CNOT1: variants seen among roughly 807,000 people sequenced by gnomAD.
CNOT1 encodes the protein CCR4-associated factor 1.
CNOT1 carries 15 observed loss-of-function variants against 273.8 expected under a neutral mutation model. The observed-to-expected ratio is 0.05, with a 90% CI of 0.04 to 0.08. The LOEUF (loss-of-function observed/expected upper bound fraction) is 0.08, where lower values mean the gene tolerates loss of function less well. CNOT1 is among the 10% of genes least tolerant of loss of function. CNOT1 has a pLI of 1.00. For missense variants in CNOT1, 1,644 were observed against 2,912.2 expected, an observed-to-expected ratio of 0.56 and a Z score of 10.02; for synonymous variants, 1,022 against 1,005.5, an observed-to-expected ratio of 1.02 and a Z score of -0.31.
At position 58,526,108 on chromosome 16, in the gene CNOT1, G is replaced by A; in HGVS notation, c.6484C>T (p.Pro2162Ser). The change falls in exon 45 of 49, where the codon CCC becomes TCC. Residue 2162 changes from proline to serine, a missense_variant. Transcript: ENST00000317147. The part of the protein sequence containing the change: ...VDMLSEINIA[P>S]RILTNFTGVM... Reference sequence around the variant, plus strand: ...CCAGTGAAATTGGTGAGAATCCGGGGAGCAATGTTAATTTCACTCAACATG... The same window carrying A: ...CCAGTGAAATTGGTGAGAATCCGGGAAGCAATGTTAATTTCACTCAACATG... 6.2e-7 allele frequency: 1 copy of A among 1,614,072 alleles called. No individual in the cohort carries two copies. The highest frequency in any genetic ancestry group is 8.5e-7 in the Non-Finnish European group (1 of 1,179,978).
intron 46 of CNOT1, 122 bp from the exon 47 acceptor site, chr16:58,523,624 A>G: frequency 1.2e-6 from 1 of 862,434 alleles, no homozygotes. Context: ...GGTTTAAAGC[A>G]GTGGTTCTTG....
intron 1 of CNOT1, among the ~76,000 whole-genome samples, chr16:58,621,377 G>A (rs1462012137): frequency 2.0e-5 from 3 of 151,978 alleles, no homozygotes; most frequent in Admixed American, 6.6e-5. Flanking sequence ...AGGGTCCAGC[G>A]ATTCTCCTGC....
In CNOT1 at chr16:58,542,347, A is replaced by G. The variant is rs1355605346; in HGVS notation, c.4576-12T>C. ...CTCAGCTCAAATTCCTGCAAACAAA[A>G]AAAGTCACTGAGGTTCTTGTTATAA... On this transcript the variant is annotated splice_polypyrimidine_tract_variant and intron_variant, in intron 32 of 48. Coordinates refer to ENST00000317147, the MANE Select transcript of CNOT1 (RefSeq NM_016284.5). 6.2e-7 allele frequency: 1 copy of G among 1,614,016 alleles called. No homozygotes were observed. Among genetic ancestry groups the G allele is most frequent in the South Asian group, 1.1e-5 (1 of 91,052 alleles).
chr16:58,594,617 T>C (rs2151998470), intron 2 of CNOT1, among the ~76,000 whole-genome samples: 1 of 151,116 alleles, frequency 6.6e-6, no homozygotes, highest in East Asian at 2.0e-4. Context: ...CAACCTGACC[T>C]ACATGGTGAA....
intron 47 of CNOT1, among the ~76,000 whole-genome samples, chr16:58,522,146 C>T (rs565818526): frequency 1.3e-5 from 2 of 149,454 alleles, no homozygotes; most frequent in African/African-American, 5.0e-5. Flanking sequence ...GGTGAAACCC[C>T]GTCTCTACTA....
Position 58,578,784 on chromosome 16 carries a change from T to C in CNOT1, c.1499A>G (p.His500Arg), listed in dbSNP as rs1424984950. The C allele has an allele frequency of 6.2e-7, 1 of 1,614,140 alleles. No individual in the cohort carries two copies. The highest frequency in any genetic ancestry group is 8.5e-7 in the Non-Finnish European group (1 of 1,180,022). The part of the protein sequence containing the change: ...QINTSWHTLR[H>R]ELISTLMPIF... ...TGGCATCAGAGTGGAGATAAGTTCA[T>C]GGCGCAAGGTATGCCAAGAGGTGTT... The change falls in exon 13 of 49, where the codon CAT becomes CGT. Residue 500 changes from histidine (H) to arginine (R), a missense_variant. His to Arg is a conservative substitution (Grantham distance 29, BLOSUM62 0). This residue lies in a region of CNOT1 where 706 missense variants were observed against 1,021.2 expected (regional missense o/e 0.69). Transcript: ENST00000317147.
At chr16:58,562,883 A>G (rs949174622) in intron 16 of CNOT1, among the ~76,000 whole-genome samples, 1 of 152,202 alleles carries the variant, frequency 6.6e-6, no homozygotes, top group Non-Finnish European at 1.5e-5. Flanking sequence ...CTTCCCACCT[A>G]AATTCAGAAT....
chr16:58,578,128 C>T (rs1274592500), intron 13 of CNOT1, among the ~76,000 whole-genome samples: 1 of 152,036 alleles, frequency 6.6e-6, no homozygotes, highest in Non-Finnish European at 1.5e-5. Flanking sequence ...AAAGTGATGC[C>T]CTAGCAATAC....
intron 16 of CNOT1, among the ~76,000 whole-genome samples, chr16:58,561,439 T>C (rs1265642700): frequency 6.6e-6 from 1 of 152,226 alleles, no homozygotes; most frequent in Non-Finnish European, 1.5e-5. Flanking sequence ...ATTTTTATAC[T>C]AGTATATCAC....
At chr16:58,580,609 T>C (rs771367793) in intron 12 of CNOT1, 24 bp downstream of exon 12, 1 of 1,596,112 alleles carries the variant, frequency 6.3e-7, no homozygotes, top group South Asian at 1.1e-5. Flanking sequence ...ATCTTTTAAA[T>C]GAAAGATGAA....
At chr16:58,525,941 G>A in intron 45 of CNOT1, 48 bp downstream of exon 45, 1 of 1,554,062 alleles carries the variant, frequency 6.4e-7, no homozygotes, top group Non-Finnish European at 8.9e-7. Flanking sequence ...TACATAGAAA[G>A]TGCTTTATAT....
At chr16:58,569,723 G>A (rs1421779123) in intron 16 of CNOT1, among the ~76,000 whole-genome samples, 1 of 150,990 alleles carries the variant, frequency 6.6e-6, no homozygotes, top group Non-Finnish European at 1.5e-5. Flanking sequence ...GGGGTGGGGG[G>A]ATGGGGGCTG....
At chr16:58,559,514 C>G (rs964698856) in intron 17 of CNOT1, among the ~76,000 whole-genome samples, 1 of 152,072 alleles carries the variant, frequency 6.6e-6, no homozygotes, top group Non-Finnish European at 1.5e-5. Context: ...AAGATCAGCT[C>G]CAATTTTGAA....
chr16:58,567,459 C>T (rs2041090250), intron 16 of CNOT1, among the ~76,000 whole-genome samples: 2 of 130,198 alleles, frequency 1.5e-5, no homozygotes, highest in South Asian at 4.8e-4. Context: ...CCCATTTCCA[C>T]AGAAAATTAA....
In CNOT1 at chr16:58,520,890, C is replaced by T; in HGVS notation, c.*68G>A. The stretch of plus-strand genomic sequence containing the variant: ...GTCAGGAAGAGCTGAAAGGATTCTT[C>T]AGTCAGTTTATGAACTCGGTGCAGT... On this transcript the variant is annotated 3_prime_UTR_variant, in exon 49 of 49. Coordinates refer to ENST00000317147, the MANE Select transcript of CNOT1 (RefSeq NM_016284.5). 6.7e-7 allele frequency: 1 copy of T among 1,492,360 alleles called. No homozygotes were observed. Among genetic ancestry groups the T allele is most frequent in the Non-Finnish European group, 9.3e-7 (1 of 1,080,000 alleles). 92.4% of individuals were successfully genotyped at this position (1,492,360 alleles called of 1,614,324 possible). A position where few individuals can be genotyped will look rare whatever the true frequency, so the allele number is the denominator to read the frequency against.
chr16:58,527,560 TACA>T lies in CNOT1; in HGVS notation c.6453+912_6453+914del, dbSNP rs906167705. Among the ~76,000 whole-genome samples, 8 of 151,924 alleles carry T rather than the reference TACA, an allele frequency of 5.3e-5. No individual in the cohort carries two copies. In the South Asian group the frequency reaches 1.5e-3, roughly 28 times the overall value. Reference sequence around the variant, plus strand: ...ATAAATAAATACAAATAAATAATAATACAACAATAAAAAACACAAATTTTAAAA... The same window carrying T: ...ATAAATAAATACAAATAAATAATAATACAATAAAAAACACAAATTTTAAAA... On this transcript the variant is annotated intron_variant, in intron 44 of 48. Coordinates refer to ENST00000317147, the MANE Select transcript of CNOT1 (RefSeq NM_016284.5).
At chr16:58,526,666 A>G (rs2039593927) in intron 44 of CNOT1, among the ~76,000 whole-genome samples, 1 of 152,040 alleles carries the variant, frequency 6.6e-6, no homozygotes, top group African/African-American at 2.4e-5. Context: ...TCTACTAAAA[A>G]TATAAAATTA....
chr16:58,562,334 C>T (rs958817429), intron 16 of CNOT1, among the ~76,000 whole-genome samples: 5 of 151,172 alleles, frequency 3.3e-5, no homozygotes, highest in African/African-American at 1.2e-4. Context: ...AAGACTTCAT[C>T]TCTACAAAAA....
In CNOT1 at chr16:58,537,955, G is replaced by A; in HGVS notation, c.5350C>T (p.Leu1784=). ...ATGAGGGTTTCAATGGTGTGGAACA[G>A]ATCTGCCTCAGTAACATGAGCAACA... ...RSVAHVTEAD[L]FHTIETLMRI... Residue 1784 remains leucine, a synonymous_variant, in exon 38 of 49, where the codon CTG becomes TTG. Transcript: ENST00000317147. 1 of 1,614,168 alleles carries A rather than the reference G, an allele frequency of 6.2e-7. No homozygotes were observed. The highest frequency in any genetic ancestry group is 8.5e-7 in the Non-Finnish European group (1 of 1,180,036).
Sources: allele counts gnomAD v4.1 joint callset (sites outside exome capture counted in the v4.1 genomes callset), GRCh38; gene constraint gnomAD v4.1.1; regional missense constraint gnomAD v4.1.1; transcripts MANE v1.5; gene names NCBI Gene and HGNC (gene_info 2026-07-23, HGNC 2026-07-21).